CRADD: variants seen among roughly 807,000 people sequenced by gnomAD.
The protein encoded by CRADD is death domain-containing protein CRADD.
In CRADD, 9 loss-of-function variants were observed where a neutral mutation model predicts 15.5. That is an observed-to-expected ratio of 0.58 (90% CI 0.35 to 1.01). The LOEUF (loss-of-function observed/expected upper bound fraction) is 1.01, where lower values mean the gene tolerates loss of function less well. Among genes scored for constraint, CRADD ranks in the 50% least tolerant of loss-of-function variants. The pLI, the probability that CRADD is intolerant of heterozygous loss-of-function variation, is 0.02. For synonymous variants in CRADD, 118 were observed against 107.6 expected (o/e 1.10, Z -0.60); for missense variants, 227 against 250.3 (o/e 0.91, Z 0.63).
intron 2 of CRADD, among the ~76,000 whole-genome samples, chr12:93,874,640 AT>A (rs1958446361): frequency 6.6e-6 from 1 of 151,842 alleles, no homozygotes; most frequent in African/African-American, 2.4e-5. Flanking sequence ...CTTTCAAGAA[AT>A]TTTTTTAACT....
chr12:93,745,945 C>T (rs1003512474), intron 2 of CRADD, among the ~76,000 whole-genome samples: 14 of 152,144 alleles, frequency 9.2e-5, no homozygotes, highest in East Asian at 1.9e-4. Context: ...AACTTACACA[C>T]ATACACACAC....
At chr12:93,744,214 C>G (rs1413229686) in intron 2 of CRADD, among the ~76,000 whole-genome samples, 1 of 152,192 alleles carries the variant, frequency 6.6e-6, no homozygotes, top group Non-Finnish European at 1.5e-5. Flanking sequence ...TGGACTTGTA[C>G]CTGTAGGCCT....
chr12:93,815,388 C>G (rs1386619615), intron 2 of CRADD: 1 of 152,162 alleles, frequency 6.6e-6, no homozygotes, highest in Admixed American at 6.5e-5. Context: ...ATATCACATT[C>G]GTGGTTATTC....
chr12:93,886,428 T>G (rs1423874185), intron 2 of CRADD, among the ~76,000 whole-genome samples: 1 of 152,164 alleles, frequency 6.6e-6, no homozygotes, highest in Non-Finnish European at 1.5e-5. Context: ...GCTAAAGTGC[T>G]GGGATTACGG....
At chr12:93,864,679 T>G (rs1958348870) in intron 2 of CRADD, among the ~76,000 whole-genome samples, 1 of 152,200 alleles carries the variant, frequency 6.6e-6, no homozygotes, top group Non-Finnish European at 1.5e-5. Flanking sequence ...TAATGAAGTG[T>G]CTGGCACACG....
rs146692724 is a variant in CRADD at position 93,776,450 on chromosome 12, C to T, written c.299-73520C>T. ...ATTGGGGAATTGTCCTCCAGAAAGG[C>T]AGTACCATTTTCATTGTATCCGCAG... On this transcript the variant is annotated intron_variant, in intron 2 of 2. Transcript: ENST00000332896. Among the ~76,000 whole-genome samples, 403 of 152,294 alleles carry T rather than the reference C, an allele frequency of 2.6e-3. 3 individuals are homozygous for T. The highest frequency in any genetic ancestry group is 9.3e-3 in the African/African-American group (385 of 41,552).
chr12:93,850,020 G>C lies in CRADD; in HGVS notation c.349G>C (p.Asp117His), dbSNP rs765564428. The C allele has an allele frequency of 6.2e-7, 1 of 1,611,926 alleles. No homozygotes were observed. The highest frequency in any genetic ancestry group is 8.5e-7 in the Non-Finnish European group (1 of 1,177,980). Residue 117 changes from aspartate (D) to histidine (H), a missense_variant, in exon 3 of 3, where the codon GAC becomes CAC. By Grantham distance (81) the Asp-to-His change is moderately conservative. Coordinates refer to ENST00000332896, the MANE Select transcript of CRADD (RefSeq NM_003805.5). The surrounding 1 kb of genome is among the most constrained non-coding windows in gnomAD (Gnocchi z 4.0). Reference protein sequence around the residue: ...PSHILNSSPSDRQINQLAQRL... With the variant: ...PSHILNSSPSHRQINQLAQRL... ...GCACATCCTCAACAGCTCCCCATCA[G>C]ACCGGCAGATTAACCAGCTGGCCCA...
intron 2 of CRADD, among the ~76,000 whole-genome samples, chr12:93,879,999 A>G (rs1028712612): frequency 6.6e-6 from 1 of 152,220 alleles, no homozygotes; most frequent in African/African-American, 2.4e-5. Context: ...CAGAAATAAT[A>G]CAGTAATGAA....
chr12:93,827,225 C>T (rs188542043), intron 2 of CRADD, among the ~76,000 whole-genome samples: 4 of 152,300 alleles, frequency 2.6e-5, no homozygotes, highest in African/African-American at 9.6e-5. Context: ...ATTCCTTCTT[C>T]CCATCACCCC....
At chr12:93,678,187 A>C (rs1040764673) in intron 1 of CRADD, among the ~76,000 whole-genome samples, 1 of 152,174 alleles carries the variant, frequency 6.6e-6, no homozygotes, top group African/African-American at 2.4e-5. Flanking sequence ...ACAAACAACA[A>C]TTTTCTTAAA....
At chr12:93,885,434 G>A (rs745706275) in intron 2 of CRADD, among the ~76,000 whole-genome samples, 2 of 150,774 alleles carry the variant, frequency 1.3e-5, no homozygotes, top group Admixed American at 6.6e-5. Context: ...CTAGGTCCTC[G>A]TGCCCCCGCC....
chr12:93,702,705 C>T (rs776390114), intron 2 of CRADD, among the ~76,000 whole-genome samples: 1 of 152,022 alleles, frequency 6.6e-6, no homozygotes, highest in Non-Finnish European at 1.5e-5. Flanking sequence ...ACTGATCACA[C>T]TGTTCCACCA....
intron 2 of CRADD, among the ~76,000 whole-genome samples, chr12:93,736,016 C>T (rs1256776992): frequency 6.6e-6 from 1 of 151,810 alleles, no homozygotes; most frequent in Non-Finnish European, 1.5e-5. Flanking sequence ...GAGATCACGC[C>T]ACTGCACTCC....
At chr12:93,858,474 A>G (rs1958292518) in intron 2 of CRADD, among the ~76,000 whole-genome samples, 1 of 152,206 alleles carries the variant, frequency 6.6e-6, no homozygotes, top group African/African-American at 2.4e-5. Context: ...CAAGACTTAG[A>G]TTAAGTTCAA....
At chr12:93,853,654 A>G (rs1024431581), downstream of CRADD, among the ~76,000 whole-genome samples, 3 of 152,114 alleles carry the variant, frequency 2.0e-5, no homozygotes, top group African/African-American at 7.2e-5. Context: ...CTTTATTCTG[A>G]GATTTTATCT....
chr12:93,688,782 A>G (rs573189994), intron 2 of CRADD, among the ~76,000 whole-genome samples: 4 of 152,320 alleles, frequency 2.6e-5, no homozygotes, highest in African/African-American at 9.6e-5. Flanking sequence ...ACTGATTCAT[A>G]TCTTATAAAA....
intron 2 of CRADD, among the ~76,000 whole-genome samples, chr12:93,823,224 G>A (rs374735995): frequency 1.1e-4 from 17 of 151,726 alleles, no homozygotes; most frequent in African/African-American, 3.9e-4. Context: ...CCCAGGAGGT[G>A]GAAGTTGCAG....
At chr12:93,770,134 G>C (rs10859573) in intron 2 of CRADD, among the ~76,000 whole-genome samples, 42,810 of 130,920 alleles carry the variant, frequency 0.33, 8,153 homozygotes, top group East Asian at 0.57. Context: ...CTCGCTCTGT[G>C]GCCCAGGTGG....
intron 2 of CRADD, among the ~76,000 whole-genome samples, chr12:93,845,564 A>G (rs1419972332): frequency 1.7e-5 from 1 of 60,312 alleles, no homozygotes; most frequent in African/African-American, 7.5e-5. Context: ...TCTCTATTAA[A>G]TATATATATA....
Sources: gnomAD v4.1 joint callset for allele counts (sites outside exome capture counted in the v4.1 genomes callset) on GRCh38, gnomAD v4.1.1 for gene constraint, Gnocchi (gnomAD v3.1) non-coding constraint, MANE v1.5 for transcripts, NCBI Gene and HGNC (gene_info 2026-07-23, HGNC 2026-07-21) for gene names.